The following FRAS1 variants were observed in gnomAD, a reference collection of about 807,000 sequenced individuals.
FRAS1 encodes extracellular matrix organizing protein FRAS1.
A neutral mutation model predicts 435.2 loss-of-function variants in FRAS1; 290 were observed. The ratio of observed to expected loss-of-function variants is 0.67; its 90% CI spans 0.61 to 0.73. The LOEUF is 0.73. Ranked by LOEUF, FRAS1 falls within the 30% of genes least tolerant of loss-of-function variation. The pLI is 0.00. For missense variants in FRAS1, 4,860 were observed against 5,001.5 expected (o/e 0.97, Z 0.85); for synonymous variants, 1,800 against 1,851.0 (o/e 0.97, Z 0.71).
In FRAS1 at chr4:78,419,027, G is replaced by A; in HGVS notation, c.4504G>A (p.Val1502Ile). ...INSEKPSGKI[V>I]YNITLPLHPN... ...CTCTGAGAAGCCAAGTGGAAAGATT[G>A]TCTACAACATCACTCTACCTCTGCA... The change falls in exon 33 of 74, where the codon GTC (valine) becomes ATC (isoleucine). Residue 1502 changes from valine (V) to isoleucine (I), a missense_variant. Val to Ile is a conservative substitution (Grantham distance 29). Coordinates refer to ENST00000512123, the MANE Select transcript of FRAS1 (RefSeq NM_025074.7). 6.3e-7 allele frequency: 1 copy of A among 1,595,602 alleles called. No homozygotes were observed. The highest frequency in any genetic ancestry group is 8.5e-7 in the Non-Finnish European group (1 of 1,173,232).
At chr4:78,313,513 T>G (rs980132903) in intron 15 of FRAS1, among the ~76,000 whole-genome samples, 5 of 152,146 alleles carry the variant, frequency 3.3e-5, no homozygotes, top group African/African-American at 1.2e-4. Flanking sequence ...AAGGTTTGCT[T>G]TTTTTATTTT....
chr4:78,423,434 G>GGATTACAGGCAT (rs58962823), intron 34 of FRAS1, among the ~76,000 whole-genome samples: 120,665 of 151,942 alleles, frequency 0.79, 48,673 homozygotes, highest in African/African-American at 0.94. Flanking sequence ...CAAAGTGCTG[G>GGATTACAGGCAT]GAGCCACTGC....
chr4:78,298,120 ATATT>A (rs143291676), intron 14 of FRAS1, among the ~76,000 whole-genome samples: 3,722 of 147,564 alleles, frequency 0.025, 163 homozygotes, highest in African/African-American at 0.087. Context: ...ATGTGTATAT[ATATT>A]TAAGGTATAT....
chr4:78,518,779 TA>T (rs1159104498), intron 66 of FRAS1, among the ~76,000 whole-genome samples: 1 of 152,160 alleles, frequency 6.6e-6, no homozygotes, highest in Non-Finnish European at 1.5e-5. Flanking sequence ...GTGAGCTTCC[TA>T]TATATGATTT....
At chr4:78,336,643 T>TGC (rs1730181187) in intron 19 of FRAS1, among the ~76,000 whole-genome samples, 4 of 150,686 alleles carry the variant, frequency 2.7e-5, no homozygotes, top group African/African-American at 9.7e-5. Context: ...CTTGCTTGCT[T>TGC]TTTTTTTTTC....
chr4:78,366,780 G>A (rs1731290583), intron 22 of FRAS1, among the ~76,000 whole-genome samples: 1 of 152,130 alleles, frequency 6.6e-6, no homozygotes, highest in African/African-American at 2.4e-5. Flanking sequence ...TACTCCAGGT[G>A]TGGCCACACC....
intron 12 of FRAS1, among the ~76,000 whole-genome samples, chr4:78,283,925 A>G (rs1278538459): frequency 6.6e-6 from 1 of 152,204 alleles, no homozygotes; most frequent in South Asian, 2.1e-4. Context: ...TGAAAATGAG[A>G]TTTGAAATTT....
At chr4:78,481,716 T>G in intron 56 of FRAS1, 88 bp from the exon 57 acceptor site, 1 of 1,428,978 alleles carries the variant, frequency 7.0e-7, no homozygotes, top group Non-Finnish European at 9.9e-7. Context: ...GCTGCCACTA[T>G]TGCAGTGAGG....
At chr4:78,379,371 A>G in intron 26 of FRAS1, 1 of 222,988 alleles carries the variant, frequency 4.5e-6, no homozygotes, top group African/African-American at 2.3e-5. Flanking sequence ...GGCCTACTCC[A>G]GCCATCGGCA....
At chr4:78,113,646 ATATCCTTTGCCCAC>A (rs1742899758) in intron 2 of FRAS1, among the ~76,000 whole-genome samples, 1 of 152,118 alleles carries the variant, frequency 6.6e-6, no homozygotes, top group Non-Finnish European at 1.5e-5. Context: ...ATGTCTGTTC[ATATCCTTTGCCCAC>A]TTGTTGATGG....
chr4:78,413,400 C>G (rs1484336), intron 32 of FRAS1, among the ~76,000 whole-genome samples: 24,116 of 152,120 alleles, frequency 0.16, 2,457 homozygotes, highest in Non-Finnish European at 0.24. Context: ...TCCATGAAAT[C>G]AATATTTGGG....
chr4:78,450,216 G>A lies in FRAS1; in HGVS notation c.6340G>A (p.Val2114Ile), dbSNP rs777342069. The A allele has an allele frequency of 6.2e-7, 1 of 1,613,692 alleles. No individual in the cohort carries two copies. The highest frequency in any genetic ancestry group is 1.7e-5 in the Admixed American group (1 of 59,996). ...AGATATTGACTCAGATGACCATCAG[G>A]TTATGTACATCATGAAGGAAGATCC... ...VTDIDSDDHQ[V>I]MYIMKEDPGA... Residue 2114 changes from valine (V) to isoleucine (I), a missense_variant, in exon 45 of 74, where the codon GTT (valine) becomes ATT (isoleucine). By Grantham distance (29) the Val-to-Ile change is conservative (BLOSUM62 3). Transcript: ENST00000512123.
At chr4:78,367,193 C>T (rs892441844) in intron 22 of FRAS1, among the ~76,000 whole-genome samples, 1 of 151,942 alleles carries the variant, frequency 6.6e-6, no homozygotes, top group Admixed American at 6.6e-5. Flanking sequence ...TCATTTGAGG[C>T]CAGGAGTTTG....
chr4:78,127,746 T>A (rs924882866), intron 2 of FRAS1, among the ~76,000 whole-genome samples: 4 of 152,172 alleles, frequency 2.6e-5, no homozygotes, highest in South Asian at 2.1e-4. Flanking sequence ...TTATTTATTT[T>A]TTTAATTTTA....
chr4:78,446,728 G>A lies in FRAS1; in HGVS notation c.5858G>A (p.Arg1953Lys). The change falls in exon 43 of 74, where the codon AGG (arginine) becomes AAG (lysine). Residue 1953 changes from arginine to lysine, a missense_variant and splice_region_variant. Arg to Lys is a conservative substitution (Grantham distance 26). Transcript: ENST00000512123. Reference protein sequence around the residue: ...EIHSINITIERKNDEPPRMTL... With the variant: ...EIHSINITIEKKNDEPPRMTL... ...TCTAATAGTTTATGCTTTAATCAGA[G>A]GAAGAACGATGAGCCTCCCAGGATG... 1 of 1,612,250 alleles carries A rather than the reference G, an allele frequency of 6.2e-7. No homozygotes were observed.
chr4:78,383,013 T>A (rs1432038275), intron 27 of FRAS1, among the ~76,000 whole-genome samples: 1 of 152,186 alleles, frequency 6.6e-6, no homozygotes, highest in Non-Finnish European at 1.5e-5. Context: ...AAAACAATGG[T>A]CCCTCTAGTA....
intron 47 of FRAS1, among the ~76,000 whole-genome samples, chr4:78,463,473 C>A (rs1719433327): frequency 6.6e-6 from 1 of 152,106 alleles, no homozygotes; most frequent in Non-Finnish European, 1.5e-5. Context: ...ATGGGAGAAG[C>A]TAGAATCGTA....
chr4:78,451,723 A>C (rs1560735864), intron 45 of FRAS1, 49 bp from the exon 46 acceptor site: 1 of 1,479,240 alleles, frequency 6.8e-7, no homozygotes, highest in Middle Eastern at 1.8e-4. Flanking sequence ...TTCAGAAATA[A>C]GGGCAGAAAG....
Position 78,128,441 on chromosome 4 carries a change from C to T in FRAS1, c.108+62425C>T, listed in dbSNP as rs377615081. Among the ~76,000 whole-genome samples the T allele has an allele frequency of 1.8e-4, 27 of 152,282 alleles. 2 individuals carry two copies. Among genetic ancestry groups the T allele is most frequent in the Admixed American group, 1.2e-3 (18 of 15,302 alleles). On this transcript the variant is annotated intron_variant, in intron 2 of 73. Transcript: ENST00000512123. ...TGTTTCCTGACTTTTTAATGATCGCCATTCTAACTGGTGTGAGATGGTATC... is the reference window on the plus strand; with the variant it reads ...TGTTTCCTGACTTTTTAATGATCGCTATTCTAACTGGTGTGAGATGGTATC...
Sources: allele counts gnomAD v4.1 joint callset (sites outside exome capture counted in the v4.1 genomes callset), GRCh38; gene constraint gnomAD v4.1.1; transcripts MANE v1.5; gene names NCBI Gene and HGNC (gene_info 2026-07-23, HGNC 2026-07-21).